FGGY: variants seen among roughly 807,000 people sequenced by gnomAD.
The protein encoded by FGGY is FGGY carbohydrate kinase domain-containing protein.
Under a neutral mutation model 71.3 loss-of-function variants are expected in FGGY, and 72 were observed. The observed-to-expected ratio is 1.01, with a 90% confidence interval of 0.84 to 1.23. The LOEUF (loss-of-function observed/expected upper bound fraction) is 1.23, where lower values mean the gene tolerates loss of function less well. FGGY is among the 50% of genes most tolerant of loss of function. FGGY has a pLI of 0.00. For synonymous variants in FGGY, 251 were observed against 250.3 expected, an observed-to-expected ratio of 1.00 and a Z score of -0.02; for missense variants, 668 against 682.3, an observed-to-expected ratio of 0.98 and a Z score of 0.23.
intron 14 of FGGY, among the ~76,000 whole-genome samples, chr1:59,707,103 A>G (rs1573497106): frequency 6.6e-6 from 1 of 152,240 alleles, no homozygotes; most frequent in East Asian, 1.9e-4. Context: ...GGATCAGGCC[A>G]AAATGATTGA....
intron 14 of FGGY, among the ~76,000 whole-genome samples, chr1:59,740,255 G>A (rs971078296): frequency 3.9e-5 from 6 of 152,168 alleles, no homozygotes; most frequent in African/African-American, 1.2e-4. Context: ...TATCACTTCA[G>A]CTCAATTTCC....
intron 9 of FGGY, among the ~76,000 whole-genome samples, chr1:59,620,701 C>G (rs1481116584): frequency 6.6e-6 from 1 of 151,890 alleles, no homozygotes; most frequent in African/African-American, 2.4e-5. Context: ...AATGGTTGCT[C>G]TAGTAATTAT....
At chr1:59,539,983 G>A (rs2095414350) in intron 7 of FGGY, among the ~76,000 whole-genome samples, 1 of 152,194 alleles carries the variant, frequency 6.6e-6, no homozygotes, top group Non-Finnish European at 1.5e-5. Flanking sequence ...GCAGAAAAGA[G>A]GATATACAAA....
intron 6 of FGGY, among the ~76,000 whole-genome samples, chr1:59,466,586 A>T (rs959892816): frequency 6.6e-6 from 1 of 152,242 alleles, no homozygotes; most frequent in African/African-American, 2.4e-5. Flanking sequence ...GAATGGGAGA[A>T]AATTTTCACA....
At chr1:59,525,602 T>C (rs1435687070) in intron 7 of FGGY, among the ~76,000 whole-genome samples, 1 of 152,218 alleles carries the variant, frequency 6.6e-6, no homozygotes, top group Admixed American at 6.5e-5. Flanking sequence ...AGTTACATTA[T>C]GAATAGTAGC....
intron 8 of FGGY, among the ~76,000 whole-genome samples, chr1:59,598,392 T>G (rs1044399068): frequency 2.0e-5 from 3 of 152,218 alleles, no homozygotes; most frequent in African/African-American, 7.2e-5. Context: ...GGATTAAATT[T>G]TATCTGTGAT....
chr1:59,671,766 A>G (rs1455684772), intron 13 of FGGY, among the ~76,000 whole-genome samples: 2 of 152,162 alleles, frequency 1.3e-5, no homozygotes, highest in Non-Finnish European at 2.9e-5. Flanking sequence ...TTTTAACCCC[A>G]TTTTTCAGAT....
chr1:59,687,682 A>T (rs1206709911), intron 14 of FGGY, among the ~76,000 whole-genome samples: 2 of 149,802 alleles, frequency 1.3e-5, no homozygotes, highest in East Asian at 2.0e-4. Context: ...GTTAGCCAGG[A>T]TGACCTCGAT....
intron 1 of FGGY, among the ~76,000 whole-genome samples, chr1:59,310,869 G>A (rs1007661520): frequency 6.6e-5 from 10 of 151,950 alleles, no homozygotes; most frequent in African/African-American, 2.4e-4. Context: ...AGTTTTTTAG[G>A]GTCTTTTTAT....
At chr1:59,462,953 A>G (rs2092354856) in intron 6 of FGGY, among the ~76,000 whole-genome samples, 1 of 151,988 alleles carries the variant, frequency 6.6e-6, no homozygotes, top group Non-Finnish European at 1.5e-5. Flanking sequence ...CCATCCCATT[A>G]CTGGGTATAT....
chr1:59,748,480 A>G (rs2098218578), intron 14 of FGGY, among the ~76,000 whole-genome samples: 1 of 152,166 alleles, frequency 6.6e-6, no homozygotes, highest in Non-Finnish European at 1.5e-5. Flanking sequence ...AGATTCAGAA[A>G]GGCCTTAGGC....
intron 4 of FGGY, among the ~76,000 whole-genome samples, chr1:59,369,821 T>C (rs2057281101): frequency 6.6e-6 from 1 of 152,210 alleles, no homozygotes; most frequent in African/African-American, 2.4e-5. Context: ...AGTGGACGTC[T>C]AGCAAACTCC....
chr1:59,518,585 G>A (rs1162569511), intron 7 of FGGY, among the ~76,000 whole-genome samples: 3 of 152,166 alleles, frequency 2.0e-5, no homozygotes, highest in Admixed American at 2.0e-4. Flanking sequence ...TCTCATGAAT[G>A]GTTTCGCATC....
intron 5 of FGGY, among the ~76,000 whole-genome samples, chr1:59,445,405 A>T (rs989220422): frequency 6.6e-6 from 1 of 152,016 alleles, no homozygotes; most frequent in African/African-American, 2.4e-5. Flanking sequence ...CTCTTGACAC[A>T]TTCTTTCTTT....
rs1313150418 is a variant in FGGY at position 59,669,008 on chromosome 1, A to T, written c.1417+1605A>T. On this transcript the variant is annotated intron_variant, in intron 13 of 15. Coordinates refer to ENST00000303721, the MANE Select transcript of FGGY (RefSeq NM_018291.5). ...CTCCATCTCAAAAAAAAAAAAAAAAAAAAAGCATACAGTCTAAGGGCAGAA... is the reference window on the plus strand; with the variant it reads ...CTCCATCTCAAAAAAAAAAAAAAAATAAAAGCATACAGTCTAAGGGCAGAA... Among the ~76,000 whole-genome samples the T allele has an allele frequency of 2.6e-5, 4 of 151,812 alleles. No homozygotes were observed. The South Asian group carries it at 6.2e-4, about 24-fold the overall frequency.
At chr1:59,384,600 G>A (rs2059866325) in intron 5 of FGGY, among the ~76,000 whole-genome samples, 1 of 152,162 alleles carries the variant, frequency 6.6e-6, no homozygotes, top group Non-Finnish European at 1.5e-5. Context: ...TTTTGGCAAT[G>A]AGTCTTTACA....
At chr1:59,550,157 C>A (rs2095586099) in intron 7 of FGGY, among the ~76,000 whole-genome samples, 1 of 152,078 alleles carries the variant, frequency 6.6e-6, no homozygotes, top group Non-Finnish European at 1.5e-5. Flanking sequence ...TTGAGGATTG[C>A]AGAATAAACT....
At chr1:59,659,770 A>G (rs1272922733) in intron 11 of FGGY, among the ~76,000 whole-genome samples, 1 of 152,212 alleles carries the variant, frequency 6.6e-6, no homozygotes. Context: ...GAGACATATT[A>G]TATTACCCTG....
intron 5 of FGGY, among the ~76,000 whole-genome samples, chr1:59,431,122 C>T (rs531627113): frequency 6.6e-6 from 1 of 152,284 alleles, no homozygotes; most frequent in Admixed American, 6.5e-5. Context: ...CTTTGCCTTT[C>T]CTCCAACTTC....
Sources: gnomAD v4.1 joint callset for allele counts (sites outside exome capture counted in the v4.1 genomes callset) on GRCh38, gnomAD v4.1.1 for gene constraint, MANE v1.5 for transcripts, NCBI Gene and HGNC (gene_info 2026-07-23, HGNC 2026-07-21) for gene names.